The following THADA variants were observed in gnomAD, a reference collection of about 807,000 sequenced individuals.
The protein encoded by THADA is tRNA (32-2'-O)-methyltransferase regulator THADA.
Under a neutral mutation model 219.8 loss-of-function variants are expected in THADA, and 213 were observed. That is an observed-to-expected ratio of 0.97 (90% CI 0.87 to 1.09). The LOEUF is 1.09. THADA is among the 50% of genes least tolerant of loss of function. The probability of loss-of-function intolerance (pLI) is 0.00; values close to 1 mark genes in which losing one functional copy is unlikely to be tolerated. For synonymous variants in THADA, 1,018 were observed against 828.9 expected (o/e 1.23, Z -3.92); for missense variants, 2,956 against 2,311.3 (o/e 1.28, Z -5.72).
At chr2:43,378,089 C>G (rs1026942748) in intron 29 of THADA, among the ~76,000 whole-genome samples, 5 of 152,022 alleles carry the variant, frequency 3.3e-5, no homozygotes, top group Admixed American at 2.6e-4. Context: ...TAATAGAAAA[C>G]AATCAAAGAG....
chr2:43,299,487 C>T (rs1376587865), intron 31 of THADA, among the ~76,000 whole-genome samples: 3 of 151,348 alleles, frequency 2.0e-5, no homozygotes, highest in Admixed American at 6.6e-5. Flanking sequence ...GGTGAAACCC[C>T]GTCTCTACTA....
intron 22 of THADA, among the ~76,000 whole-genome samples, chr2:43,527,158 G>T (rs1212032827): frequency 6.6e-6 from 1 of 152,176 alleles, no homozygotes; most frequent in Admixed American, 6.5e-5. Context: ...GTTTGCTGAG[G>T]CTACAAGGCT....
intron 31 of THADA, among the ~76,000 whole-genome samples, chr2:43,294,061 C>A (rs1351822504): frequency 6.6e-6 from 1 of 152,116 alleles, no homozygotes; most frequent in Non-Finnish European, 1.5e-5. Context: ...CATCTTTCTC[C>A]CACTTTGTAC....
intron 31 of THADA, among the ~76,000 whole-genome samples, chr2:43,313,147 T>C (rs899574189): frequency 6.6e-6 from 1 of 152,228 alleles, no homozygotes; most frequent in Admixed American, 6.5e-5. Context: ...ATACAGGGCA[T>C]TGTTGAACAT....
intron 26 of THADA, among the ~76,000 whole-genome samples, chr2:43,447,293 C>A (rs1681703253): frequency 6.6e-6 from 1 of 152,092 alleles, no homozygotes; most frequent in African/African-American, 2.4e-5. Context: ...TCATATCAAG[C>A]CAAACCATAT....
chr2:43,359,451 G>A (rs187998380), intron 29 of THADA, among the ~76,000 whole-genome samples: 8 of 152,268 alleles, frequency 5.3e-5, no homozygotes, highest in Admixed American at 4.6e-4. Flanking sequence ...AGGCTGAGGC[G>A]GGCAGATCAC....
intron 27 of THADA, among the ~76,000 whole-genome samples, chr2:43,429,710 C>T (rs566432989): frequency 4.4e-4 from 67 of 151,352 alleles, no homozygotes; most frequent in African/African-American, 1.6e-3. Flanking sequence ...GTTTCTGTAC[C>T]ACCGAAAATG....
intron 10 of THADA, among the ~76,000 whole-genome samples, chr2:43,576,560 A>G (rs991865986): frequency 1.3e-5 from 2 of 152,270 alleles, no homozygotes; most frequent in Non-Finnish European, 2.9e-5. Context: ...CACTATACAT[A>G]TAAAAATTTT....
In THADA at chr2:43,519,941, A is replaced by T. The variant is rs374026740; in HGVS notation, c.3374+7938T>A. On this transcript the variant is annotated intron_variant, in intron 22 of 37. Coordinates refer to ENST00000405975, the MANE Select transcript of THADA (RefSeq NM_022065.5). ...CTCCCCAGCAAGGAAAGATTTCTTT[A>T]TAAGGAAGTGATTTCAAAACTCCAG... Among the ~76,000 whole-genome samples the T allele has an allele frequency of 9.2e-5, 14 of 152,342 alleles. No homozygotes were observed. In the East Asian group the frequency reaches 1.4e-3, roughly 15 times the overall value.
At chr2:43,426,955 G>T (rs1250274574) in intron 28 of THADA, among the ~76,000 whole-genome samples, 1 of 152,130 alleles carries the variant, frequency 6.6e-6, no homozygotes, top group African/African-American at 2.4e-5. Context: ...TACATATTTA[G>T]GCCTTTGATC....
At chr2:43,489,072 A>G (rs1024992920) in intron 25 of THADA, among the ~76,000 whole-genome samples, 3 of 152,210 alleles carry the variant, frequency 2.0e-5, no homozygotes, top group African/African-American at 7.2e-5. Flanking sequence ...TCAGATGTAT[A>G]ATACGCAAAT....
At chr2:43,439,912 C>T (rs774110908) in intron 26 of THADA, among the ~76,000 whole-genome samples, 2 of 151,898 alleles carry the variant, frequency 1.3e-5, no homozygotes, top group Admixed American at 1.3e-4. Context: ...TTCATAAAAT[C>T]GAAAGTCTTT....
At chr2:43,271,704 T>G (rs1041877386) in intron 36 of THADA, among the ~76,000 whole-genome samples, 2 of 145,236 alleles carry the variant, frequency 1.4e-5, no homozygotes, top group Admixed American at 1.4e-4. Flanking sequence ...AACCTCCACC[T>G]CCTGGGTTCA....
intron 36 of THADA, among the ~76,000 whole-genome samples, chr2:43,258,840 C>T (rs1670627026): frequency 6.6e-6 from 1 of 152,154 alleles, no homozygotes; most frequent in Non-Finnish European, 1.5e-5. Flanking sequence ...AGCTGTTCTC[C>T]TCCAGTACAG....
intron 22 of THADA, among the ~76,000 whole-genome samples, chr2:43,523,215 A>G (rs1171445338): frequency 6.6e-6 from 1 of 151,972 alleles, no homozygotes; most frequent in Non-Finnish European, 1.5e-5. Flanking sequence ...AAATACAAAA[A>G]TTAGCTGGGC....
chr2:43,549,641 C>T (rs928775926), intron 19 of THADA, among the ~76,000 whole-genome samples: 1 of 152,136 alleles, frequency 6.6e-6, no homozygotes, highest in African/African-American at 2.4e-5. Flanking sequence ...GTCATCTACA[C>T]TGCTTTTCTT....
rs778439544 is a variant in THADA, at chr2:43,505,519, A to T, written c.3621+103T>A. 2.1e-5 allele frequency: 17 copies of T among 815,164 alleles called. 1 individual carries two copies. The highest frequency in any genetic ancestry group is 2.3e-4 in the Middle Eastern group (1 of 4,328). The allele number at this position is 815,164 out of a possible 1,614,324, so 50.5% of individuals were successfully genotyped here. A position where few individuals can be genotyped will look rare whatever the true frequency, so the allele number is the denominator to read the frequency against. ...CAGTGAGCTGAGATCGCGCCACTGTACTCCAGCCTGGGTAACAAGACGGTA... is the reference window on the plus strand; with the variant it reads ...CAGTGAGCTGAGATCGCGCCACTGTTCTCCAGCCTGGGTAACAAGACGGTA... On this transcript the variant is annotated intron_variant, in intron 24 of 37. Coordinates refer to ENST00000405975, the MANE Select transcript of THADA (RefSeq NM_022065.5).
At chr2:43,405,369 A>G (rs981416969) in intron 28 of THADA, among the ~76,000 whole-genome samples, 8 of 152,238 alleles carry the variant, frequency 5.3e-5, no homozygotes, top group African/African-American at 1.4e-4. Context: ...GAAAAAGCAG[A>G]TATTTCTGCA....
intron 24 of THADA, among the ~76,000 whole-genome samples, 159 bp downstream of exon 24, chr2:43,505,463 A>C (rs1689542506): frequency 6.6e-6 from 1 of 152,206 alleles, no homozygotes; most frequent in African/African-American, 2.4e-5. Flanking sequence ...CTGAGGCAGA[A>C]GAATTGCTTG....
Sources: allele counts gnomAD v4.1 joint callset (sites outside exome capture counted in the v4.1 genomes callset), GRCh38; gene constraint gnomAD v4.1.1; transcripts MANE v1.5; gene names NCBI Gene and HGNC (gene_info 2026-07-23, HGNC 2026-07-21).